COLEC11: variants seen among roughly 807,000 people sequenced by gnomAD.
COLEC11 encodes the protein collectin subfamily member 11.
In COLEC11, 20 loss-of-function variants were observed where a neutral mutation model predicts 27.3. The ratio of observed to expected loss-of-function variants is 0.73; its 90% CI spans 0.51 to 1.06. The LOEUF (loss-of-function observed/expected upper bound fraction) is 1.06. COLEC11 is among the 50% of genes least tolerant of loss of function. The probability of loss-of-function intolerance (pLI) is 0.00; values close to 1 mark genes in which losing one functional copy is unlikely to be tolerated. For missense variants in COLEC11, 310 were observed against 383.0 expected, an observed-to-expected ratio of 0.81 and a Z score of 1.59; for synonymous variants, 163 against 154.7, an observed-to-expected ratio of 1.05 and a Z score of -0.40.
At chr2:3,617,457 T>C in intron 3 of COLEC11, 1 of 1,285,310 alleles carries the variant, frequency 7.8e-7, no homozygotes, top group Admixed American at 1.7e-5. Flanking sequence ...TCCAATCTCT[T>C]TGCATCTTAC....
chr2:3,610,783 G>C (rs561301923), intron 2 of COLEC11, among the ~76,000 whole-genome samples: 12 of 152,178 alleles, frequency 7.9e-5, no homozygotes, highest in Non-Finnish European at 1.5e-4. Flanking sequence ...CCTCAGAGGG[G>C]CTTTTCGGAT....
intron 2 of COLEC11, among the ~76,000 whole-genome samples, chr2:3,610,119 G>T (rs1663073916): frequency 1.3e-5 from 2 of 152,228 alleles, no homozygotes; most frequent in Admixed American, 6.5e-5. Context: ...TCGCTCTGGG[G>T]TTTTGAAGCC....
Position 3,606,282 on chromosome 2 carries a change from C to T in COLEC11, c.130+1812C>T, listed in dbSNP as rs1425178000. The T allele has an allele frequency of 2.6e-6, 4 of 1,525,070 alleles. No homozygotes were observed. In the East Asian group the frequency reaches 7.4e-5, roughly 28 times the overall value. 94.5% of individuals were successfully genotyped at this position (1,525,070 alleles called of 1,614,324 possible). A position where few individuals can be genotyped will look rare whatever the true frequency, so the allele number is the denominator to read the frequency against. ...ACTGGTGGGGGCCGTGGGGTGGGCT[C>T]CAGGGTCCTTTCTGGGCGCCGCCTT... On this transcript the variant is annotated intron_variant, in intron 2 of 6. Transcript: ENST00000349077.
chr2:3,635,551 C>T (rs1406048325), intron 3 of COLEC11, among the ~76,000 whole-genome samples: 1 of 152,194 alleles, frequency 6.6e-6, no homozygotes, highest in Non-Finnish European at 1.5e-5. Context: ...GTCCCCGTTG[C>T]CCCTTTTCTA....
chr2:3,612,179 C>T (rs530227961), intron 2 of COLEC11, among the ~76,000 whole-genome samples: 10 of 152,080 alleles, frequency 6.6e-5, no homozygotes, highest in South Asian at 2.1e-4. Flanking sequence ...AGCGCACACA[C>T]GCGCACACAT....
At chr2:3,641,507 CAG>C (rs1665867383) in intron 5 of COLEC11, 2 of 1,100,854 alleles carry the variant, frequency 1.8e-6, no homozygotes, top group African/African-American at 3.3e-5. Flanking sequence ...CTAGCTTGGT[CAG>C]AGTTTGGAGG....
At chr2:3,629,559 T>C (rs1664815869) in intron 3 of COLEC11, among the ~76,000 whole-genome samples, 1 of 152,256 alleles carries the variant, frequency 6.6e-6, no homozygotes, top group African/African-American at 2.4e-5. Context: ...CCTATATGTA[T>C]ATATGTGCAT....
In COLEC11 at chr2:3,626,046, C is replaced by T. The variant is rs137940027; in HGVS notation, c.203-11487C>T. ...AGCCAGTCGTGACAGCTTCTGACAT[C>T]TCCAAAAGGAAGTGCACCTCGTCCT... On this transcript the variant is annotated intron_variant, in intron 3 of 6. Transcript: ENST00000349077. 77 of 1,614,064 alleles carry T rather than the reference C, an allele frequency of 4.8e-5. No homozygotes were observed. Among genetic ancestry groups the T allele is most frequent in the Admixed American group, 1.0e-4 (6 of 60,010 alleles).
rs1173728707 is a variant in COLEC11, at chr2:3,610,246, A to G, written c.131-3065A>G. On this transcript the variant is annotated intron_variant, in intron 2 of 6. Transcript: ENST00000349077. ...AGTGGACATAGTGCCCGCCCCATGT[A>G]GGGGGAGAGGTGAAATTATTATGCA... 2.6e-5 allele frequency among the ~76,000 whole-genome samples: 4 copies of G among 152,194 alleles called. No individual in the cohort carries two copies. In the South Asian group the frequency reaches 8.3e-4, roughly 32 times the overall value.
intron 4 of COLEC11, among the ~76,000 whole-genome samples, chr2:3,639,366 T>C (rs1303785732): frequency 6.6e-6 from 1 of 152,252 alleles, no homozygotes; most frequent in Non-Finnish European, 1.5e-5. Flanking sequence ...TGGCCTTGTT[T>C]GGCTTTGCTT....
At chr2:3,630,089 G>A (rs1304454892) in intron 3 of COLEC11, among the ~76,000 whole-genome samples, 1 of 151,768 alleles carries the variant, frequency 6.6e-6, no homozygotes. Context: ...ATATGTGTAT[G>A]TTTGCATGCA....
chr2:3,610,237 G>A (rs1453424437), intron 2 of COLEC11, among the ~76,000 whole-genome samples: 2 of 152,242 alleles, frequency 1.3e-5, no homozygotes, highest in East Asian at 1.9e-4. Context: ...CATAGTGCCC[G>A]CCCCATGTAG....
At chr2:3,617,453 C>G in intron 3 of COLEC11, 1 of 1,263,000 alleles carries the variant, frequency 7.9e-7, no homozygotes, top group Non-Finnish European at 1.2e-6. Flanking sequence ...TTGATCCAAT[C>G]TCTTTGCATC....
At chr2:3,631,184 T>C (rs1267445641) in intron 3 of COLEC11, among the ~76,000 whole-genome samples, 2 of 151,684 alleles carry the variant, frequency 1.3e-5, no homozygotes, top group Admixed American at 6.6e-5. Context: ...TGAGCCAAGA[T>C]TGCACTACTG....
chr2:3,612,394 A>G (rs1663276288), intron 2 of COLEC11, among the ~76,000 whole-genome samples: 1 of 152,170 alleles, frequency 6.6e-6, no homozygotes, highest in Non-Finnish European at 1.5e-5. Flanking sequence ...CCCTGTTGAG[A>G]GAATCCGGAA....
chr2:3,598,823 C>G (rs1040265390), intron 1 of COLEC11, among the ~76,000 whole-genome samples: 1 of 151,552 alleles, frequency 6.6e-6, no homozygotes, highest in Non-Finnish European at 1.5e-5. Flanking sequence ...GAGTTGGGGC[C>G]GATTGTTCAA....
chr2:3,605,840 A>T, intron 2 of COLEC11: 1 of 440,176 alleles, frequency 2.3e-6, no homozygotes, highest in Non-Finnish European at 4.2e-6. Context: ...CAGGGTCCGG[A>T]CAGCTCGGGG....
rs565436306 is a variant in COLEC11 at position 3,603,042 on chromosome 2, A to G, written c.-26-1273A>G. Among the ~76,000 whole-genome samples, 24 of 152,344 alleles carry G rather than the reference A, an allele frequency of 1.6e-4. No homozygotes were observed. In the South Asian group the frequency reaches 5.0e-3, roughly 32 times the overall value. On this transcript the variant is annotated intron_variant, in intron 1 of 6. Coordinates refer to ENST00000349077, the MANE Select transcript of COLEC11 (RefSeq NM_024027.5). ...TGGTCGGCATCCACAAATGTTTCTG[A>G]ACGAATGATTAACCAAACGAAAGGC...
intron 3 of COLEC11, among the ~76,000 whole-genome samples, chr2:3,632,950 C>A (rs1665124622): frequency 6.6e-6 from 1 of 152,146 alleles, no homozygotes. Flanking sequence ...GGCCCTTCAC[C>A]TGAACAAAGA....
Sources: allele counts gnomAD v4.1 joint callset (sites outside exome capture counted in the v4.1 genomes callset), GRCh38; gene constraint gnomAD v4.1.1; transcripts MANE v1.5; gene names NCBI Gene and HGNC (gene_info 2026-07-23, HGNC 2026-07-21).